GSE1: variants seen among roughly 807,000 people sequenced by gnomAD.
GSE1 encodes the protein genetic suppressor element 1.
In GSE1, 32 loss-of-function variants were observed where a neutral mutation model predicts 112.6. That is an observed-to-expected ratio of 0.28 (90% CI 0.21 to 0.38). The LOEUF (loss-of-function observed/expected upper bound fraction) is 0.38. GSE1 is among the 10% of genes least tolerant of loss of function. The pLI is 1.00. For missense variants in GSE1, 2,348 were observed against 1,699.2 expected (o/e 1.38, Z -6.71); for synonymous variants, 1,115 against 735.6 (o/e 1.52, Z -8.35).
intron 1 of GSE1, among the ~76,000 whole-genome samples, chr16:85,222,615 C>G (rs113626990): frequency 7.9e-5 from 12 of 152,208 alleles, no homozygotes; most frequent in African/African-American, 2.9e-4. Context: ...TCGGATCAAA[C>G]AAATTTGGAA....
chr16:85,559,789 C>A (rs1042760009), intron 1 of GSE1, among the ~76,000 whole-genome samples: 3 of 152,230 alleles, frequency 2.0e-5, no homozygotes, highest in African/African-American at 4.8e-5. Flanking sequence ...CAATCCATGG[C>A]CCGGCCCATT....
intron 2 of GSE1, among the ~76,000 whole-genome samples, chr16:85,641,559 G>T (rs571045060): frequency 2.2e-4 from 34 of 152,374 alleles, no homozygotes; most frequent in African/African-American, 8.2e-4. Flanking sequence ...TGGAACGCAG[G>T]GGGTCGCGGC....
chr16:85,536,222 C>T (rs571984215), intron 2 of GSE1, among the ~76,000 whole-genome samples: 22 of 152,322 alleles, frequency 1.4e-4, no homozygotes, highest in Non-Finnish European at 1.5e-4. Context: ...GAGTTCTCTC[C>T]GTGGGGCCTC....
chr16:85,409,361 T>C (rs867865904), intron 2 of GSE1, among the ~76,000 whole-genome samples: 3 of 33,622 alleles, frequency 8.9e-5, no homozygotes, highest in Admixed American at 2.7e-4. Flanking sequence ...TAATCCTCAC[T>C]GTTACACTCA....
At chr16:85,659,485 T>C (rs973405499) in intron 8 of GSE1, 1 of 152,194 alleles carries the variant, frequency 6.6e-6, no homozygotes, top group African/African-American at 2.4e-5. Context: ...ACCCACTAGG[T>C]GTCCCAGCTA....
chr16:85,637,318 G>T lies in GSE1; in HGVS notation c.226+3186G>T, dbSNP rs751472461. 2.0e-5 allele frequency among the ~76,000 whole-genome samples: 3 copies of T among 152,186 alleles called. No homozygotes were observed. The South Asian group carries it at 6.2e-4, about 31-fold the overall frequency. ...CTCCTGGTCCTTGTGGGCCATCTGC[G>T]GCGTGACAGCCCTTCCTGCTTCTCG... On this transcript the variant is annotated intron_variant, in intron 2 of 15. Coordinates refer to ENST00000253458, the MANE Select transcript of GSE1 (RefSeq NM_014615.5).
At chr16:85,546,926 C>A (rs911623366) in intron 2 of GSE1, among the ~76,000 whole-genome samples, 1 of 152,190 alleles carries the variant, frequency 6.6e-6, no homozygotes, top group African/African-American at 2.4e-5. Flanking sequence ...TGGCCACGTC[C>A]GATGATCTCC....
intron 1 of GSE1, among the ~76,000 whole-genome samples, chr16:85,251,251 G>A (rs1249176376): frequency 6.6e-6 from 1 of 152,246 alleles, no homozygotes; most frequent in Non-Finnish European, 1.5e-5. Context: ...CTTGCCCTCA[G>A]GCTGCTTTGT....
upstream of GSE1, chr16:85,554,774 G>GT (rs1422124424): frequency 9.5e-6 from 6 of 630,718 alleles, no homozygotes; most frequent in Non-Finnish European, 1.2e-5. Context: ...GCTGTCAGTC[G>GT]TGGGGGGGGA....
Position 85,674,434 on chromosome 16 carries a change from G to C in GSE1, c.*1895G>C, listed in dbSNP as rs559568353. 6.6e-6 allele frequency: 1 copy of C among 150,508 alleles called. No individual in the cohort carries two copies. The highest frequency in any genetic ancestry group is 1.5e-5 in the Non-Finnish European group (1 of 68,036). 9.3% of individuals were successfully genotyped at this position (150,508 alleles called of 1,614,324 possible). A position where few individuals can be genotyped will look rare whatever the true frequency, so the allele number is the denominator to read the frequency against. On this transcript the variant is annotated 3_prime_UTR_variant, in exon 16 of 16. Transcript: ENST00000253458. ...GGGGCTGTGCTGCAGGCCTCCCCTC[G>C]AAAGACACTGGGAGGTCAGCATGTT...
intron 1 of GSE1, among the ~76,000 whole-genome samples, chr16:85,249,185 G>A (rs1201169997): frequency 6.6e-6 from 1 of 152,230 alleles, no homozygotes; most frequent in African/African-American, 2.4e-5. Context: ...AGCAGCAGCG[G>A]CCGCATTTGT....
At position 85,532,288 on chromosome 16, in the gene GSE1, T is replaced by C. The variant is rs537540554; in HGVS notation, c.2465-101626T>C. ...CATTTTGTTTGTTTTTAAGACAGAG[T>C]CTTGCTCTGTTGCCCAGGTTGCAGT... is the stretch of plus-strand genomic sequence containing the variant. On this transcript the variant is annotated intron_variant, in intron 2 of 2. Coordinates refer to the GSE1 transcript ENST00000637419. 3.9e-5 allele frequency among the ~76,000 whole-genome samples: 6 copies of C among 152,148 alleles called. 1 individual carries two copies. Among genetic ancestry groups the C allele is most frequent in the African/African-American group, 1.2e-4 (5 of 41,510 alleles).
Position 85,666,319 on chromosome 16 carries a change from C to G in GSE1, c.3102C>G (p.Ser1034=). 1 of 1,613,826 alleles carries G rather than the reference C, an allele frequency of 6.2e-7. No homozygotes were observed. The highest frequency in any genetic ancestry group is 8.5e-7 in the Non-Finnish European group (1 of 1,180,020). ...AGTTCCACGAGTCAGTGCTGCAGTC[C>G]ACCCAGAAGGCCCTGCAGAAGCATA... is the stretch of plus-strand genomic sequence containing the variant. ...AHQFHESVLQ[S]TQKALQKHKG... The change falls in exon 13 of 16, where the codon TCC becomes TCG. Residue 1034 remains serine, a synonymous_variant. Coordinates refer to ENST00000253458, the MANE Select transcript of GSE1 (RefSeq NM_014615.5).
intron 2 of GSE1, among the ~76,000 whole-genome samples, chr16:85,403,381 T>C (rs2048165123): frequency 6.6e-6 from 1 of 152,080 alleles, no homozygotes; most frequent in African/African-American, 2.4e-5. Flanking sequence ...GGAGGCGTGG[T>C]CATTGGGGGC....
chr16:85,199,235 G>GCATGAGC (rs1171491174), intron 1 of GSE1, among the ~76,000 whole-genome samples: 2 of 152,056 alleles, frequency 1.3e-5, no homozygotes, highest in Non-Finnish European at 2.9e-5. Flanking sequence ...GGAATTATAG[G>GCATGAGC]CATGAGCCAC....
At position 85,472,761 on chromosome 16, in the gene GSE1, G is replaced by A. The variant is rs370996571; in HGVS notation, c.2464+115118G>A. Among the ~76,000 whole-genome samples the A allele has an allele frequency of 4.4e-4, 67 of 152,350 alleles. No homozygotes were observed. The South Asian group carries it at 6.6e-3, about 15-fold the overall frequency. ...GACTTTAAACGGCCTAAAGGCTAAG[G>A]ACAAGATCCGGGAAGCTGTCACCAT... On this transcript the variant is annotated intron_variant, in intron 2 of 2. Transcript: ENST00000637419.
chr16:85,633,385 G>A (rs1428160549), intron 1 of GSE1, among the ~76,000 whole-genome samples: 1 of 152,202 alleles, frequency 6.6e-6, no homozygotes, highest in Admixed American at 6.5e-5. Context: ...GTAACGTGGG[G>A]CAGAACTCCC....
At chr16:85,517,166 C>T (rs1165217426) in intron 2 of GSE1, among the ~76,000 whole-genome samples, 1 of 152,036 alleles carries the variant, frequency 6.6e-6, no homozygotes, top group Non-Finnish European at 1.5e-5. Flanking sequence ...TGTGTCCCCC[C>T]TCGCTGGGGA....
exon 1 of GSE1, chr16:85,171,590 A>G: frequency 2.0e-6 from 2 of 985,596 alleles, no homozygotes; most frequent in Non-Finnish European, 2.4e-6. Flanking sequence ...TTTTGTCAGC[A>G]GGAGAAGAAA....
Sources: allele counts gnomAD v4.1 joint callset (sites outside exome capture counted in the v4.1 genomes callset), GRCh38; gene constraint gnomAD v4.1.1; transcripts MANE v1.5; gene names NCBI Gene and HGNC (gene_info 2026-07-23, HGNC 2026-07-21).